Variants in PPTC7 observed in about 807,000 individuals in gnomAD.
The protein encoded by PPTC7 is protein phosphatase targeting COQ7.
In PPTC7, 6 loss-of-function variants were observed where a neutral mutation model predicts 30.8. That is an observed-to-expected ratio of 0.19 (90% CI 0.11 to 0.38). PPTC7 has a LOEUF of 0.38. Among genes scored for constraint, PPTC7 ranks in the 10% least tolerant of loss-of-function variants. PPTC7 has a pLI of 1.00. For missense variants in PPTC7, 218 were observed against 404.8 expected, an observed-to-expected ratio of 0.54 and a Z score of 3.96; for synonymous variants, 163 against 168.1, an observed-to-expected ratio of 0.97 and a Z score of 0.23.
rs1384818782 is a variant in PPTC7 at position 110,536,730 on chromosome 12, T to C, written c.*307A>G. The C allele has an allele frequency of 1.8e-5, 6 of 325,774 alleles. No homozygotes were observed. Among genetic ancestry groups the C allele is most frequent in the Non-Finnish European group, 3.3e-5 (6 of 180,216 alleles). The allele number at this position is 325,774 out of a possible 1,614,324, so 20.2% of individuals were successfully genotyped here. On this transcript the variant is annotated 3_prime_UTR_variant, in exon 6 of 6. Transcript: ENST00000354300. ...CATTACTCATTTTCAATACTTCAAC[T>C]ACTTTGAAAAGTAACAGCCACGGTG...
At chr12:110,537,589 G>A (rs2064228875) in intron 5 of PPTC7, among the ~76,000 whole-genome samples, 1 of 152,134 alleles carries the variant, frequency 6.6e-6, no homozygotes, top group Non-Finnish European at 1.5e-5. Context: ...AATTCTACTA[G>A]CTCTGATATG....
At chr12:110,537,629 G>A (rs1027629385) in intron 5 of PPTC7, among the ~76,000 whole-genome samples, 6 of 152,094 alleles carry the variant, frequency 3.9e-5, no homozygotes, top group Admixed American at 1.3e-4. Context: ...GCCCTGAGAC[G>A]GAGCCACTGG....
At chr12:110,548,000 C>T (rs1270385791) in intron 2 of PPTC7, among the ~76,000 whole-genome samples, 1 of 151,610 alleles carries the variant, frequency 6.6e-6, no homozygotes, top group Non-Finnish European at 1.5e-5. Flanking sequence ...CCAGCTACTT[C>T]GGAGGCTGGG....
At chr12:110,578,294 C>T (rs2064605799) in intron 1 of PPTC7, among the ~76,000 whole-genome samples, 1 of 152,154 alleles carries the variant, frequency 6.6e-6, no homozygotes, top group African/African-American at 2.4e-5. Context: ...GGAAGCCATG[C>T]CACGTAGAGT....
intron 4 of PPTC7, 93 bp from the exon 5 acceptor site, chr12:110,538,366 G>C: frequency 8.0e-7 from 1 of 1,251,408 alleles, no homozygotes. Context: ...TTTTATTCTA[G>C]TTAGAAAAGA....
rs764830102 is a variant in PPTC7, at chr12:110,545,846, C to T, written c.602+34G>A. The T allele has an allele frequency of 2.5e-6, 4 of 1,603,466 alleles. No homozygotes were observed. In the East Asian group the frequency reaches 8.9e-5, roughly 36 times the overall value. On this transcript the variant is annotated intron_variant, in intron 3 of 5. Coordinates refer to ENST00000354300, the MANE Select transcript of PPTC7 (RefSeq NM_139283.2). ...GAGGGGACTATGAATGAGCCACGTC[C>T]TGCTCACACTTAATGGCTGAGAGGG...
At chr12:110,568,253 GTTT>G (rs1195913504) in intron 1 of PPTC7, among the ~76,000 whole-genome samples, 6 of 132,038 alleles carry the variant, frequency 4.5e-5, no homozygotes, top group Non-Finnish European at 8.1e-5. Flanking sequence ...AATCTCATGC[GTTT>G]TTTTTTTTTT....
chr12:110,536,733 T>C lies in PPTC7; in HGVS notation c.*304A>G. ...TACTCATTTTCAATACTTCAACTACTTTGAAAAGTAACAGCCACGGTGGCA... is the reference window on the plus strand; with the variant it reads ...TACTCATTTTCAATACTTCAACTACCTTGAAAAGTAACAGCCACGGTGGCA... On this transcript the variant is annotated 3_prime_UTR_variant, in exon 6 of 6. Transcript: ENST00000354300. 1 of 334,176 alleles carries C rather than the reference T, an allele frequency of 3.0e-6. No homozygotes were observed. Among genetic ancestry groups the C allele is most frequent in the Non-Finnish European group, 5.4e-6 (1 of 185,472 alleles). The allele number at this position is 334,176 out of a possible 1,614,324, so 20.7% of individuals were successfully genotyped here. A position where few individuals can be genotyped will look rare whatever the true frequency, so the allele number is the denominator to read the frequency against.
chr12:110,539,518 G>A (rs1593141829), intron 4 of PPTC7, among the ~76,000 whole-genome samples: 1 of 152,156 alleles, frequency 6.6e-6, no homozygotes, highest in African/African-American at 2.4e-5. Flanking sequence ...CACCTGCTGG[G>A]TGTTAGAAGA....
At chr12:110,537,121 G>A in intron 5 of PPTC7, 26 bp from the exon 6 acceptor site, 5 of 1,558,160 alleles carry the variant, frequency 3.2e-6, no homozygotes, top group Non-Finnish European at 3.5e-6. Context: ...GAACCTATCA[G>A]TATATTTTAA....
intron 2 of PPTC7, among the ~76,000 whole-genome samples, chr12:110,547,989 C>T (rs755501619): frequency 6.6e-6 from 1 of 152,034 alleles, no homozygotes; most frequent in South Asian, 2.1e-4. Context: ...CACCTGTAAT[C>T]CCAGCTACTT....
Position 110,533,555 on chromosome 12 carries a change from T to C in PPTC7, c.*3482A>G, listed in dbSNP as rs2064188353. The C allele has an allele frequency of 6.6e-6, 1 of 152,188 alleles. No homozygotes were observed. 9.4% of individuals were successfully genotyped at this position (152,188 alleles called of 1,614,324 possible). On this transcript the variant is annotated 3_prime_UTR_variant, in exon 6 of 6. Coordinates refer to ENST00000354300, the MANE Select transcript of PPTC7 (RefSeq NM_139283.2). ...TAATTTTAAATAAATAGAATCCAAATATGTCCTGCTTCATGTTTTGTTTCA... is the reference window on the plus strand; with the variant it reads ...TAATTTTAAATAAATAGAATCCAAACATGTCCTGCTTCATGTTTTGTTTCA...
At chr12:110,552,763 C>T (rs2064358225) in intron 1 of PPTC7, among the ~76,000 whole-genome samples, 1 of 151,928 alleles carries the variant, frequency 6.6e-6, no homozygotes, top group South Asian at 2.1e-4. Flanking sequence ...ACTTGGGAGG[C>T]TGAGGGAGGA....
At chr12:110,553,196 C>T (rs912977370) in intron 1 of PPTC7, among the ~76,000 whole-genome samples, 1 of 144,808 alleles carries the variant, frequency 6.9e-6, no homozygotes, top group African/African-American at 2.5e-5. Flanking sequence ...TGTCACCAGG[C>T]TGGAGCAGTG....
At chr12:110,574,860 C>T (rs1270597057) in intron 1 of PPTC7, among the ~76,000 whole-genome samples, 1 of 151,984 alleles carries the variant, frequency 6.6e-6, no homozygotes, top group African/African-American at 2.4e-5. Context: ...GTCACTGCAA[C>T]CTCTGCTTCC....
At chr12:110,575,233 A>C (rs1163574857) in intron 1 of PPTC7, among the ~76,000 whole-genome samples, 1 of 152,172 alleles carries the variant, frequency 6.6e-6, no homozygotes, top group Non-Finnish European at 1.5e-5. Flanking sequence ...AGGCAAACTC[A>C]CATTATTTTT....
In PPTC7 at chr12:110,536,932, C is replaced by A; in HGVS notation, c.*105G>T. 1 of 800,802 alleles carries A rather than the reference C, an allele frequency of 1.2e-6. No homozygotes were observed. The highest frequency in any genetic ancestry group is 2.2e-6 in the Non-Finnish European group (1 of 461,308). 49.6% of individuals were successfully genotyped at this position (800,802 alleles called of 1,614,324 possible). A position where few individuals can be genotyped will look rare whatever the true frequency, so the allele number is the denominator to read the frequency against. ...ACAGGCAAAAGACTTACATCACTGG[C>A]CATTGAGATCAGTGGCAAAGAAATG... On this transcript the variant is annotated 3_prime_UTR_variant, in exon 6 of 6. Transcript: ENST00000354300.
intron 3 of PPTC7, among the ~76,000 whole-genome samples, chr12:110,543,967 T>C (rs373694798): frequency 2.6e-5 from 4 of 152,168 alleles, no homozygotes; most frequent in South Asian, 4.2e-4. Flanking sequence ...GAAGAAAAAA[T>C]TGAAGCACCA....
intron 1 of PPTC7, among the ~76,000 whole-genome samples, chr12:110,568,261 T>G (rs2064502262): frequency 6.6e-6 from 1 of 151,432 alleles, no homozygotes; most frequent in Non-Finnish European, 1.5e-5. Context: ...GCGTTTTTTT[T>G]TTTTTTTTTG....
Sources: gnomAD v4.1 joint callset for allele counts (sites outside exome capture counted in the v4.1 genomes callset) on GRCh38, gnomAD v4.1.1 for gene constraint, MANE v1.5 for transcripts, NCBI Gene and HGNC (gene_info 2026-07-23, HGNC 2026-07-21) for gene names.